RALGAPA1: variants seen among roughly 807,000 people sequenced by gnomAD.
The protein encoded by RALGAPA1 is ral GTPase-activating protein subunit alpha-1.
A neutral mutation model predicts 269.6 loss-of-function variants in RALGAPA1; 52 were observed. The ratio of observed to expected loss-of-function variants is 0.19; its 90% confidence interval spans 0.15 to 0.24. RALGAPA1 has a LOEUF of 0.24. RALGAPA1 is among the 10% of genes least tolerant of loss of function. The pLI, the probability that RALGAPA1 is intolerant of heterozygous loss-of-function variation, is 1.00. For missense variants in RALGAPA1, 1,917 were observed against 3,013.9 expected (o/e 0.64, Z 8.52); for synonymous variants, 817 against 1,008.3 (o/e 0.81, Z 3.60).
chr14:35,590,563 G>A (rs535943076), intron 37 of RALGAPA1, among the ~76,000 whole-genome samples: 17 of 152,258 alleles, frequency 1.1e-4, no homozygotes, highest in African/African-American at 4.1e-4. Context: ...CTCACACTCC[G>A]TGGCCTGCCG....
rs571301269 is a variant in RALGAPA1, at chr14:35,666,864, T to C, written c.5203-2097A>G. On this transcript the variant is annotated intron_variant, in intron 26 of 41. Transcript: ENST00000680220. ...TGACTAGTCATCTGGAATACCCCATTGAACAGTAATAGTTTTCACAGTAAA... is the reference window on the plus strand; with the variant it reads ...TGACTAGTCATCTGGAATACCCCATCGAACAGTAATAGTTTTCACAGTAAA... Among the ~76,000 whole-genome samples, 5 of 152,284 alleles carry C rather than the reference T, an allele frequency of 3.3e-5. No individual in the cohort carries two copies. The South Asian group carries it at 6.2e-4, about 19-fold the overall frequency.
intron 39 of RALGAPA1, among the ~76,000 whole-genome samples, chr14:35,557,098 A>ATGTGTGTGTGTGTG (rs56835063): frequency 2.0e-4 from 29 of 142,512 alleles, no homozygotes; most frequent in African/African-American, 3.3e-4. Flanking sequence ...TCCAATATGT[A>ATGTGTGTGTGTGTG]TGTGTGTGTG....
chr14:35,704,586 G>C (rs946249291), intron 16 of RALGAPA1, among the ~76,000 whole-genome samples: 1 of 152,054 alleles, frequency 6.6e-6, no homozygotes, highest in African/African-American at 2.4e-5. Flanking sequence ...ATAAGTCTTC[G>C]AAACATCATG....
chr14:35,651,899 A>G, intron 30 of RALGAPA1, 26 bp from the exon 31 acceptor site: 1 of 1,576,622 alleles, frequency 6.3e-7, no homozygotes, highest in Non-Finnish European at 8.6e-7. Flanking sequence ...AATTTTTTTA[A>G]AAGCTCTATA....
chr14:35,684,725 G>A (rs1386764176), intron 20 of RALGAPA1, among the ~76,000 whole-genome samples: 2 of 152,072 alleles, frequency 1.3e-5, no homozygotes, highest in Non-Finnish European at 2.9e-5. Flanking sequence ...GAAGGCTGAC[G>A]CAGGAGGACT....
chr14:35,800,555 C>G (rs1254875953), intron 1 of RALGAPA1, among the ~76,000 whole-genome samples: 3 of 151,916 alleles, frequency 2.0e-5, no homozygotes, highest in Non-Finnish European at 2.9e-5. Flanking sequence ...AATGAAAATA[C>G]AAAATATTCT....
At chr14:35,601,683 GC>G (rs1011515127) in intron 36 of RALGAPA1, among the ~76,000 whole-genome samples, 1 of 152,102 alleles carries the variant, frequency 6.6e-6, no homozygotes, top group African/African-American at 2.4e-5. Flanking sequence ...CAGAAAATGC[GC>G]CACTATGTCA....
At chr14:35,769,065 T>TATATATATATATACACACAC (rs1237249622) in intron 4 of RALGAPA1, among the ~76,000 whole-genome samples, 1 of 77,792 alleles carries the variant, frequency 1.3e-5, no homozygotes, top group African/African-American at 4.6e-5. Flanking sequence ...TATATATATA[T>TATATATATATATACACACAC]ACACACACAT....
At chr14:35,785,097 C>T (rs1294246797) in intron 1 of RALGAPA1, among the ~76,000 whole-genome samples, 1 of 152,158 alleles carries the variant, frequency 6.6e-6, no homozygotes, top group Admixed American at 6.5e-5. Flanking sequence ...CAGATAATTT[C>T]TTGATTCATT....
At chr14:35,668,775 A>G (rs1262791800) in intron 26 of RALGAPA1, among the ~76,000 whole-genome samples, 1 of 152,224 alleles carries the variant, frequency 6.6e-6, no homozygotes, top group South Asian at 2.1e-4. Flanking sequence ...ACTGCACTCC[A>G]ATCTGTGCTA....
At chr14:35,624,890 C>T (rs921432577) in intron 35 of RALGAPA1, among the ~76,000 whole-genome samples, 16 of 152,000 alleles carry the variant, frequency 1.1e-4, no homozygotes, top group African/African-American at 3.9e-4. Context: ...TTCTGAAATG[C>T]ATAAAAAAGG....
At chr14:35,683,563 T>C in intron 21 of RALGAPA1, 2 of 313,014 alleles carry the variant, frequency 6.4e-6, no homozygotes, top group Non-Finnish European at 1.2e-5. Flanking sequence ...GAAAATGTTC[T>C]AGTGCATATA....
intron 35 of RALGAPA1, among the ~76,000 whole-genome samples, chr14:35,621,837 T>C (rs2060650231): frequency 6.6e-6 from 1 of 152,200 alleles, no homozygotes; most frequent in Non-Finnish European, 1.5e-5. Flanking sequence ...ACAGTTAGAA[T>C]GGCAATCATT....
intron 1 of RALGAPA1, among the ~76,000 whole-genome samples, chr14:35,786,015 G>A (rs2075767239): frequency 6.6e-6 from 1 of 152,032 alleles, no homozygotes; most frequent in Admixed American, 6.6e-5. Flanking sequence ...AAATTAGCTG[G>A]GCGTGGTAGT....
At chr14:35,638,413 T>C (rs926969348) in intron 31 of RALGAPA1, among the ~76,000 whole-genome samples, 1 of 152,134 alleles carries the variant, frequency 6.6e-6, no homozygotes, top group African/African-American at 2.4e-5. Context: ...TTTAAAATAA[T>C]GGGTTATAAG....
At chr14:35,731,046 T>A (rs1168305640) in intron 12 of RALGAPA1, among the ~76,000 whole-genome samples, 3 of 152,172 alleles carry the variant, frequency 2.0e-5, no homozygotes, top group Non-Finnish European at 4.4e-5. Flanking sequence ...CCACAGACAG[T>A]TCACATCACA....
chr14:35,682,039 AATTT>A (rs1390035736), intron 21 of RALGAPA1, among the ~76,000 whole-genome samples: 9 of 152,132 alleles, frequency 5.9e-5, no homozygotes, highest in Non-Finnish European at 1.2e-4. Context: ...AATATACTAC[AATTT>A]ATTTATCCAC....
At position 35,572,615 on chromosome 14, in the gene RALGAPA1, A is replaced by G; in HGVS notation, c.7313T>C (p.Val2438Ala). 6.2e-7 allele frequency: 1 copy of G among 1,610,674 alleles called. No homozygotes were observed. Among genetic ancestry groups the G allele is most frequent in the Non-Finnish European group, 8.5e-7 (1 of 1,178,204 alleles). Residue 2438 changes from valine to alanine, a missense_variant, in exon 38 of 42, where the codon GTA becomes GCA. Physicochemically the swap from Val to Ala is moderately conservative, Grantham distance 64 (BLOSUM62 0). This residue lies in a region of RALGAPA1 where 91 missense variants were observed against 130.9 expected (regional missense o/e 0.70). Transcript: ENST00000680220. ...CATGTGATTTTTCATTGGATATATT[A>G]CAATAAGGACATCACCAAATTCTGT... ...IPTEFGDVLI[V>A]IYPMKNHMFS... is the part of the protein sequence containing the mutation.
chr14:35,744,780 T>C lies in RALGAPA1; in HGVS notation c.1252-2215A>G, dbSNP rs118042476. On this transcript the variant is annotated intron_variant, in intron 10 of 41. Coordinates refer to ENST00000680220, the MANE Select transcript of RALGAPA1 (RefSeq NM_001346249.2). ...ATCATCACTGCCTGCTTTAAGAATA[T>C]TTATTTTACAGTTGTAGCAACAGCT... is the stretch of plus-strand genomic sequence containing the variant. Among the ~76,000 whole-genome samples the C allele has an allele frequency of 3.4e-3, 511 of 152,340 alleles. 4 individuals are homozygous for C. Among genetic ancestry groups the C allele is most frequent in the Non-Finnish European group, 5.8e-3 (395 of 68,030 alleles).
Sources: allele counts gnomAD v4.1 joint callset (sites outside exome capture counted in the v4.1 genomes callset), GRCh38; gene constraint gnomAD v4.1.1; regional missense constraint gnomAD v4.1.1; transcripts MANE v1.5; gene names NCBI Gene and HGNC (gene_info 2026-07-23, HGNC 2026-07-21).